The following IFT81 variants were observed in gnomAD, a reference collection of about 807,000 sequenced individuals.
The protein encoded by IFT81 is intraflagellar transport 81.
A neutral mutation model predicts 102.6 loss-of-function variants in IFT81; 72 were observed. The observed-to-expected ratio is 0.70, with a 90% CI of 0.58 to 0.85. The LOEUF is 0.85. Among genes scored for constraint, IFT81 ranks in the 40% least tolerant of loss-of-function variants. The probability of loss-of-function intolerance (pLI) is 0.00; values close to 1 mark genes in which losing one functional copy is unlikely to be tolerated. For synonymous variants in IFT81, 237 were observed against 242.7 expected (o/e 0.98, Z 0.22); for missense variants, 723 against 787.3 (o/e 0.92, Z 0.98).
chr12:110,156,738 C>A (rs1895859810), intron 10 of IFT81, among the ~76,000 whole-genome samples: 1 of 152,140 alleles, frequency 6.6e-6, no homozygotes, highest in Admixed American at 6.5e-5. Flanking sequence ...TTCAAGTGAT[C>A]TGCCTGCCCC....
chr12:110,136,688 T>C, intron 7 of IFT81, 88 bp from the exon 8 acceptor site: 1 of 645,024 alleles, frequency 1.6e-6, no homozygotes, highest in East Asian at 3.0e-5. Context: ...ATAAGAATTA[T>C]ATGGAACTTG....
rs1178047551 is a variant in IFT81, at chr12:110,139,843, AAAAT to A, written c.781+2991_781+2994del. Among the ~76,000 whole-genome samples the A allele has an allele frequency of 2.0e-3, 252 of 127,468 alleles. 1 individual carries two copies. The highest frequency in any genetic ancestry group is 7.2e-3 in the African/African-American group (219 of 30,586). 83.6% of individuals were successfully genotyped at this position (127,468 alleles called of 152,430 possible). A position where few individuals can be genotyped will look rare whatever the true frequency, so the allele number is the denominator to read the frequency against. ...TAAATAAAATAAAATAAAATAAAAT[AAAAT>A]AAATAAAATAAAATAAAATATAAAA... On this transcript the variant is annotated intron_variant, in intron 8 of 18. Coordinates refer to ENST00000242591, the MANE Select transcript of IFT81 (RefSeq NM_014055.4).
At chr12:110,154,311 T>A (rs2137405080) in intron 10 of IFT81, among the ~76,000 whole-genome samples, 1 of 149,780 alleles carries the variant, frequency 6.7e-6, no homozygotes, top group Admixed American at 6.7e-5. Context: ...CAGGCAACAG[T>A]GTGAGACACT....
intron 18 of IFT81, 77 bp from the exon 19 acceptor site, chr12:110,217,967 A>G (rs1290132635): frequency 3.4e-5 from 34 of 987,410 alleles, no homozygotes; most frequent in Non-Finnish European, 4.3e-5. Flanking sequence ...AAAACATACC[A>G]TATTCCTCCG....
Position 110,140,233 on chromosome 12 carries a change from C to T in IFT81, c.782-3149C>T, listed in dbSNP as rs1358450899. Among the ~76,000 whole-genome samples, 3 of 152,248 alleles carry T rather than the reference C, an allele frequency of 2.0e-5. No individual in the cohort carries two copies. In the East Asian group the frequency reaches 5.8e-4, roughly 29 times the overall value. ...CCTGTCATCTAGGTTTTAAGCTCCG[C>T]ACACATTAAGTATTTGTCTGAATGC... On this transcript the variant is annotated intron_variant, in intron 8 of 18. Transcript: ENST00000242591.
chr12:110,128,092 G>A lies in IFT81; in HGVS notation c.191G>A (p.Arg64Gln), dbSNP rs1322395598. 7 of 1,613,800 alleles carry A rather than the reference G, an allele frequency of 4.3e-6. No homozygotes were observed. The highest frequency in any genetic ancestry group is 1.7e-5 in the Admixed American group (1 of 60,004). ...REEMPEQTAK[R>Q]MLSLLGILKY... ...GAGATGCCAGAGCAGACAGCCAAAC[G>A]AATGTTGAGCCTTCTTGGTATTCTT... Residue 64 changes from arginine (R) to glutamine (Q), a missense_variant, in exon 3 of 19, where the codon CGA becomes CAA. Coordinates refer to ENST00000242591, the MANE Select transcript of IFT81 (RefSeq NM_014055.4).
chr12:110,190,753 A>G, intron 12 of IFT81, among the ~76,000 whole-genome samples, 167 bp from the exon 13 acceptor site: 1 of 152,340 alleles, frequency 6.6e-6, no homozygotes, highest in East Asian at 1.9e-4. Flanking sequence ...ATACAAAGGC[A>G]TGTAATTGAA....
At chr12:110,197,252 A>G (rs200665614) in intron 14 of IFT81, among the ~76,000 whole-genome samples, 1,188 of 44,508 alleles carry the variant, frequency 0.027, 7 homozygotes, top group Middle Eastern at 0.069. Flanking sequence ...AGGTAGGTAG[A>G]TAGATAGATA....
chr12:110,178,798 G>A (rs1034124298), intron 11 of IFT81, among the ~76,000 whole-genome samples: 4 of 148,946 alleles, frequency 2.7e-5, no homozygotes, highest in Non-Finnish European at 5.9e-5. Context: ...TGTATTTTTA[G>A]TAGAGATGGG....
intron 13 of IFT81, 27 bp from the exon 14 acceptor site, chr12:110,192,590 G>T (rs974101029): frequency 8.8e-7 from 1 of 1,136,734 alleles, no homozygotes. Context: ...TCTTTTTTAG[G>T]TGTTATATTT....
chr12:110,171,407 T>C (rs1005283997), intron 11 of IFT81, among the ~76,000 whole-genome samples: 8 of 152,176 alleles, frequency 5.3e-5, no homozygotes, highest in African/African-American at 1.9e-4. Flanking sequence ...GTTCCACAGA[T>C]GGATGTTCCT....
At chr12:110,167,845 TTC>T in intron 11 of IFT81, 1 of 312,724 alleles carries the variant, frequency 3.2e-6, no homozygotes, top group African/African-American at 2.4e-5. Context: ...TTATTTAGGT[TTC>T]TTTTTTTTTT....
At position 110,205,387 on chromosome 12, in the gene IFT81, G is replaced by A. The variant is rs566958016; in HGVS notation, c.1645-56G>A. The A allele has an allele frequency of 1.1e-4, 172 of 1,519,292 alleles. 1 individual carries two copies. In the Middle Eastern group the frequency reaches 1.4e-3, roughly 13 times the overall value. 94.1% of individuals were successfully genotyped at this position (1,519,292 alleles called of 1,614,324 possible). A position where few individuals can be genotyped will look rare whatever the true frequency, so the allele number is the denominator to read the frequency against. Reference sequence around the variant, plus strand: ...TTGTTGTACATCTAAAGTCATCGTCGCCATATCTGTCTCATTCTTTCGATA... The same window carrying A: ...TTGTTGTACATCTAAAGTCATCGTCACCATATCTGTCTCATTCTTTCGATA... On this transcript the variant is annotated intron_variant, in intron 15 of 18. Transcript: ENST00000242591.
At position 110,205,955 on chromosome 12, in the gene IFT81, T is replaced by C. The variant is rs145505610; in HGVS notation, c.1802+275T>C. Among the ~76,000 whole-genome samples the C allele has an allele frequency of 1.9e-3, 294 of 152,334 alleles. 6 individuals are homozygous for C. The highest frequency in any genetic ancestry group is 0.012 in the East Asian group (62 of 5,188). On this transcript the variant is annotated intron_variant, in intron 17 of 18. Transcript: ENST00000242591. ...TAAGTGTACAGTTCATTGGCATTGA[T>C]TACATTCACAATATTGTACAGCCAT...
intron 11 of IFT81, among the ~76,000 whole-genome samples, chr12:110,169,970 T>C (rs756746432): frequency 5.3e-5 from 8 of 152,018 alleles, no homozygotes; most frequent in Non-Finnish European, 1.0e-4. Context: ...ATTTATTTTT[T>C]GAGATGGAGT....
chr12:110,152,061 A>G (rs1895566992), intron 10 of IFT81, among the ~76,000 whole-genome samples: 1 of 152,196 alleles, frequency 6.6e-6, no homozygotes, highest in South Asian at 2.1e-4. Context: ...TCACTGATGG[A>G]TACATGGGTT....
chr12:110,177,651 G>A lies in IFT81; in HGVS notation c.1189-2771G>A, dbSNP rs535634709. 3.3e-5 allele frequency among the ~76,000 whole-genome samples: 5 copies of A among 152,120 alleles called. No homozygotes were observed. The East Asian group carries it at 5.8e-4, about 18-fold the overall frequency. The stretch of plus-strand genomic sequence containing the variant: ...CTAGGAATTGGAAGTTTATTTTAAC[G>A]TGAAGAATTTTTAATCTTAGTATTT... On this transcript the variant is annotated intron_variant, in intron 11 of 18. Coordinates refer to ENST00000242591, the MANE Select transcript of IFT81 (RefSeq NM_014055.4).
At chr12:110,158,739 G>A (rs1566128264) in intron 10 of IFT81, among the ~76,000 whole-genome samples, 2 of 151,996 alleles carry the variant, frequency 1.3e-5, no homozygotes, top group Admixed American at 1.3e-4. Flanking sequence ...ACAGGCGCCC[G>A]CCACCACGCC....
At chr12:110,161,461 T>C (rs1184929074) in intron 10 of IFT81, among the ~76,000 whole-genome samples, 13 of 148,880 alleles carry the variant, frequency 8.7e-5, no homozygotes, top group Admixed American at 6.7e-5. Context: ...TTTTTTTTTT[T>C]CTTTGAGACA....
Sources: allele counts gnomAD v4.1 joint callset (sites outside exome capture counted in the v4.1 genomes callset), GRCh38; gene constraint gnomAD v4.1.1; transcripts MANE v1.5; gene names NCBI Gene and HGNC (gene_info 2026-07-23, HGNC 2026-07-21).